LYPD6B: variants seen among roughly 807,000 people sequenced by gnomAD.
LYPD6B encodes the protein LY6/PLAUR domain containing 6B, also known as ly6/PLAUR domain-containing protein 6B.
LYPD6B carries 17 observed loss-of-function variants against 22.8 expected under a neutral mutation model. The observed-to-expected ratio is 0.75, with a 90% CI of 0.51 to 1.12. The LOEUF (loss-of-function observed/expected upper bound fraction) is 1.12, where lower values mean the gene tolerates loss of function less well. LYPD6B is among the 50% of genes most tolerant of loss of function. The probability of loss-of-function intolerance (pLI) is 0.00; values close to 1 mark genes in which losing one functional copy is unlikely to be tolerated. For missense variants in LYPD6B, 221 were observed against 258.3 expected (o/e 0.86, Z 0.99); for synonymous variants, 106 against 91.6 (o/e 1.16, Z -0.90).
At chr2:149,212,446 A>G (rs1693933026) in intron 5 of LYPD6B, among the ~76,000 whole-genome samples, 2 of 151,406 alleles carry the variant, frequency 1.3e-5, no homozygotes, top group South Asian at 4.2e-4. Flanking sequence ...GGGTTTTACA[A>G]TTTAATAAAT....
chr2:149,168,677 C>A (rs933006685), intron 3 of LYPD6B, among the ~76,000 whole-genome samples: 2 of 152,204 alleles, frequency 1.3e-5, no homozygotes, highest in African/African-American at 4.8e-5. Context: ...GGTTGTTATT[C>A]CTGGATGGCA....
At chr2:149,170,397 A>G (rs535360625) in intron 3 of LYPD6B, among the ~76,000 whole-genome samples, 1 of 152,290 alleles carries the variant, frequency 6.6e-6, no homozygotes, top group East Asian at 1.9e-4. Context: ...TACAAATACC[A>G]TCTGTCTTCT....
chr2:149,207,008 A>G (rs1339285722), intron 4 of LYPD6B, among the ~76,000 whole-genome samples: 1 of 152,158 alleles, frequency 6.6e-6, no homozygotes, highest in Non-Finnish European at 1.5e-5. Context: ...TATTTCTTCA[A>G]TTGGCTAATG....
intron 1 of LYPD6B, among the ~76,000 whole-genome samples, chr2:149,061,856 A>G (rs1372218901): frequency 6.6e-6 from 1 of 152,206 alleles, no homozygotes; most frequent in Admixed American, 6.5e-5. Flanking sequence ...TCTTATAATG[A>G]TAGTTATTTA....
At chr2:149,209,828 G>A (rs143535068) in intron 5 of LYPD6B, among the ~76,000 whole-genome samples, 1 of 152,236 alleles carries the variant, frequency 6.6e-6, no homozygotes, top group Admixed American at 6.5e-5. Context: ...TTACATTTCT[G>A]TCAAGGGATC....
intron 1 of LYPD6B, among the ~76,000 whole-genome samples, chr2:149,043,111 A>T (rs1478799189): frequency 2.0e-5 from 3 of 152,226 alleles, no homozygotes; most frequent in Admixed American, 6.5e-5. Context: ...GAAAGGAAGA[A>T]ATACGGTGGT....
chr2:149,193,280 G>C (rs11674257), intron 3 of LYPD6B, among the ~76,000 whole-genome samples: 45,920 of 152,028 alleles, frequency 0.3, 8,728 homozygotes, highest in East Asian at 0.55. Flanking sequence ...GCCTCTTTCA[G>C]TTCTGTTGTT....
At chr2:149,102,474 T>C (rs976937975) in intron 1 of LYPD6B, among the ~76,000 whole-genome samples, 2 of 152,154 alleles carry the variant, frequency 1.3e-5, no homozygotes, top group African/African-American at 4.8e-5. Context: ...GTGTGTCTGT[T>C]GTTTGTATGC....
intron 2 of LYPD6B, among the ~76,000 whole-genome samples, chr2:149,155,138 C>T (rs1689617122): frequency 6.6e-6 from 1 of 152,194 alleles, no homozygotes; most frequent in Non-Finnish European, 1.5e-5. Context: ...ATGATGCATG[C>T]TGAATTACCA....
chr2:149,146,957 T>C (rs1689065178), intron 2 of LYPD6B, among the ~76,000 whole-genome samples: 2 of 152,330 alleles, frequency 1.3e-5, no homozygotes, highest in South Asian at 2.1e-4. Context: ...AAGTCTAGAA[T>C]TGAATCACGA....
chr2:149,097,790 G>A (rs1685974991), intron 1 of LYPD6B, among the ~76,000 whole-genome samples: 1 of 152,176 alleles, frequency 6.6e-6, no homozygotes, highest in Admixed American at 6.5e-5. Context: ...AATTGCTTTA[G>A]CAGCTTTGGG....
chr2:149,213,255 T>C (rs1693990597), intron 6 of LYPD6B, 133 bp downstream of exon 6: 1 of 1,216,842 alleles, frequency 8.2e-7, no homozygotes, highest in Admixed American at 2.3e-5. Flanking sequence ...CATACAAAGA[T>C]AAAATGGAGA....
chr2:149,137,505 A>G (rs1479355240), intron 2 of LYPD6B, among the ~76,000 whole-genome samples: 2 of 152,210 alleles, frequency 1.3e-5, no homozygotes, highest in African/African-American at 4.8e-5. Flanking sequence ...TTATTCAAAA[A>G]CATTTTGTCT....
intron 1 of LYPD6B, among the ~76,000 whole-genome samples, chr2:149,125,618 G>C (rs543132971): frequency 6.6e-6 from 1 of 152,030 alleles, no homozygotes; most frequent in Non-Finnish European, 1.5e-5. Flanking sequence ...AATAAAGTTG[G>C]TATCCTAACC....
chr2:149,173,356 T>G (rs1690995268), intron 3 of LYPD6B, among the ~76,000 whole-genome samples: 1 of 147,802 alleles, frequency 6.8e-6, no homozygotes, highest in South Asian at 2.2e-4. Context: ...GGCCTTTTTT[T>G]TTTTTTTTTT....
intron 1 of LYPD6B, among the ~76,000 whole-genome samples, chr2:149,117,271 C>CTT (rs113049914): frequency 4.1e-4 from 59 of 143,898 alleles, no homozygotes; most frequent in African/African-American, 1.3e-3. Context: ...TGTCATTCAT[C>CTT]TTTTTTTTTT....
At chr2:149,196,935 T>C (rs1057334587) in intron 3 of LYPD6B, among the ~76,000 whole-genome samples, 1 of 152,200 alleles carries the variant, frequency 6.6e-6, no homozygotes, top group Non-Finnish European at 1.5e-5. Flanking sequence ...ATTTGTGGCA[T>C]GATACACTCC....
intron 1 of LYPD6B, among the ~76,000 whole-genome samples, chr2:149,076,121 C>A (rs184482296): frequency 6.6e-6 from 1 of 152,014 alleles, no homozygotes; most frequent in Non-Finnish European, 1.5e-5. Context: ...TTTTGAATAT[C>A]GGAAAGTGAA....
At chr2:149,111,313 G>A (rs918216598) in intron 1 of LYPD6B, among the ~76,000 whole-genome samples, 8 of 152,266 alleles carry the variant, frequency 5.3e-5, no homozygotes, top group African/African-American at 1.9e-4. Context: ...GTGGAGAATT[G>A]ACTATAGGTA....
Sources: gnomAD v4.1 joint callset for allele counts (sites outside exome capture counted in the v4.1 genomes callset) on GRCh38, gnomAD v4.1.1 for gene constraint, MANE v1.5 for transcripts, NCBI Gene and HGNC (gene_info 2026-07-23, HGNC 2026-07-21) for gene names.